Variants in ERBB4 observed in about 807,000 individuals in gnomAD.
ERBB4 encodes the protein erb-b2 receptor tyrosine kinase 4, also known as receptor tyrosine-protein kinase erbB-4.
ERBB4 carries 42 observed loss-of-function variants against 158.0 expected under a neutral mutation model. The observed-to-expected ratio is 0.27, with a 90% confidence interval of 0.21 to 0.34. ERBB4 has a LOEUF of 0.34. Among genes scored for constraint, ERBB4 ranks in the 10% least tolerant of loss-of-function variants. ERBB4 has a pLI of 1.00. For synonymous variants in ERBB4, 583 were observed against 558.7 expected, an observed-to-expected ratio of 1.04 and a Z score of -0.61; for missense variants, 1,333 against 1,624.1, an observed-to-expected ratio of 0.82 and a Z score of 3.08.
chr2:212,416,966 A>G (rs144377024), intron 1 of ERBB4, among the ~76,000 whole-genome samples: 19 of 152,232 alleles, frequency 1.2e-4, no homozygotes, highest in Middle Eastern at 3.4e-3. Context: ...ATAAGATAGT[A>G]TCATAAATTA....
intron 2 of ERBB4, among the ~76,000 whole-genome samples, chr2:211,954,049 T>C (rs1047910384): frequency 6.6e-6 from 1 of 152,030 alleles, no homozygotes; most frequent in African/African-American, 2.4e-5. Flanking sequence ...GAAAAATCAG[T>C]CTTCACTATT....
At chr2:211,658,022 A>G in intron 15 of ERBB4, 194 bp from the exon 16 acceptor site, 1 of 1,558,406 alleles carries the variant, frequency 6.4e-7, no homozygotes, top group Non-Finnish European at 8.7e-7. Context: ...TTAAAAAAAT[A>G]CAAGGGGAAA....
chr2:212,058,910 T>C (rs1374487499), intron 2 of ERBB4, among the ~76,000 whole-genome samples: 1 of 152,174 alleles, frequency 6.6e-6, no homozygotes, highest in Non-Finnish European at 1.5e-5. Context: ...TCATCACTCT[T>C]ATTCAACGTA....
In ERBB4 at chr2:211,392,956, G is replaced by A. The variant is rs553999109; in HGVS notation, c.3136-4964C>T. Among the ~76,000 whole-genome samples, 73 of 152,102 alleles carry A rather than the reference G, an allele frequency of 4.8e-4. No homozygotes were observed. The South Asian group carries it at 0.015, about 31-fold the overall frequency. ...AGACGTGAGCCACCGCGCCCGGCTGGCTCTCATTCTTTATCCACTCATTAA... is the reference window on the plus strand; with the variant it reads ...AGACGTGAGCCACCGCGCCCGGCTGACTCTCATTCTTTATCCACTCATTAA... On this transcript the variant is annotated intron_variant, in intron 25 of 27. Transcript: ENST00000342788.
In ERBB4 at chr2:211,504,107, T is replaced by C. The variant is rs749737202; in HGVS notation, c.2487+57796A>G. Reference sequence around the variant, plus strand: ...TTCTGCTAACATCATTGTACAGTGCTCAGCTGGTTCTTACCTGCAAGTGCC... The same window carrying C: ...TTCTGCTAACATCATTGTACAGTGCCCAGCTGGTTCTTACCTGCAAGTGCC... On this transcript the variant is annotated intron_variant, in intron 20 of 27. Transcript: ENST00000342788. 9.9e-5 allele frequency among the ~76,000 whole-genome samples: 15 copies of C among 152,112 alleles called. 1 individual carries two copies. The highest frequency in any genetic ancestry group is 8.5e-4 in the Admixed American group (13 of 15,278).
chr2:211,396,534 A>G (rs1463668191), intron 25 of ERBB4, among the ~76,000 whole-genome samples: 1 of 152,186 alleles, frequency 6.6e-6, no homozygotes, highest in African/African-American at 2.4e-5. Context: ...TATATATTCA[A>G]CATTTCAATA....
At chr2:211,636,531 GT>G (rs2070368501) in intron 16 of ERBB4, among the ~76,000 whole-genome samples, 1 of 151,946 alleles carries the variant, frequency 6.6e-6, no homozygotes, top group Non-Finnish European at 1.5e-5. Context: ...ACACCTTGAA[GT>G]TTAGGAATTA....
At chr2:212,393,780 A>G (rs2090947225) in intron 1 of ERBB4, among the ~76,000 whole-genome samples, 1 of 152,096 alleles carries the variant, frequency 6.6e-6, no homozygotes, top group South Asian at 2.1e-4. Context: ...TCATATATTA[A>G]AAATAGTTCT....
chr2:212,082,358 T>C (rs143285951), intron 2 of ERBB4, among the ~76,000 whole-genome samples: 9 of 152,184 alleles, frequency 5.9e-5, no homozygotes, highest in Non-Finnish European at 1.0e-4. Flanking sequence ...TTTTATTTGC[T>C]TGTTAAACAT....
intron 2 of ERBB4, among the ~76,000 whole-genome samples, chr2:212,092,682 A>G (rs1204571046): frequency 6.6e-6 from 1 of 152,212 alleles, no homozygotes; most frequent in East Asian, 1.9e-4. Flanking sequence ...AATACGTTGT[A>G]TATGTTGAAT....
chr2:211,822,694 G>A (rs2077020271), intron 3 of ERBB4, among the ~76,000 whole-genome samples: 1 of 151,542 alleles, frequency 6.6e-6, no homozygotes, highest in African/African-American at 2.4e-5. Flanking sequence ...ATAAAATATG[G>A]CATAATTATT....
At chr2:212,507,794 T>C (rs1691277345) in intron 1 of ERBB4, among the ~76,000 whole-genome samples, 1 of 152,186 alleles carries the variant, frequency 6.6e-6, no homozygotes, top group South Asian at 2.1e-4. Context: ...TAAACATGGT[T>C]GAAATGACAA....
At chr2:211,537,061 A>G (rs1406888762) in intron 20 of ERBB4, among the ~76,000 whole-genome samples, 1 of 76,642 alleles carries the variant, frequency 1.3e-5, no homozygotes, top group African/African-American at 3.7e-5. Flanking sequence ...TATTCAAACA[A>G]AGTAAGAGTA....
intron 1 of ERBB4, among the ~76,000 whole-genome samples, chr2:212,190,074 C>T (rs2082139523): frequency 6.6e-6 from 1 of 152,078 alleles, no homozygotes; most frequent in Non-Finnish European, 1.5e-5. Flanking sequence ...AGTGAAAGTT[C>T]TATGTTACTT....
intron 25 of ERBB4, among the ~76,000 whole-genome samples, chr2:211,390,505 A>G (rs2062778226): frequency 6.6e-6 from 1 of 152,218 alleles, no homozygotes. Context: ...TATTGATTGC[A>G]CATTTTGCAT....
rs186047869 is a variant in ERBB4, at chr2:211,414,466, A to G, written c.3135+5975T>C. Among the ~76,000 whole-genome samples, 93 of 147,110 alleles carry G rather than the reference A, an allele frequency of 6.3e-4. No homozygotes were observed. In the East Asian group the frequency reaches 0.018, roughly 29 times the overall value. ...AGCTGAGATTGCGTCACTGCACTCC[A>G]GCCTGGGTGACAGAGCCAAGACACA... On this transcript the variant is annotated intron_variant, in intron 25 of 27. Coordinates refer to ENST00000342788, the MANE Select transcript of ERBB4 (RefSeq NM_005235.3).
At chr2:211,624,155 C>A (rs2069747060) in intron 17 of ERBB4, 111 bp from the exon 18 acceptor site, 1 of 1,396,600 alleles carries the variant, frequency 7.2e-7, no homozygotes, top group Non-Finnish European at 1.0e-6. Flanking sequence ...GAAAAACACA[C>A]CAACTTGGTT....
intron 7 of ERBB4, 92 bp from the exon 8 acceptor site, chr2:211,713,740 TTAGC>T: frequency 1.3e-6 from 1 of 753,392 alleles, no homozygotes; most frequent in Non-Finnish European, 2.3e-6. Flanking sequence ...TTAAAAATGA[TTAGC>T]ATCATTGATA....
chr2:211,496,676 T>C (rs1278165887), intron 20 of ERBB4, among the ~76,000 whole-genome samples: 1 of 152,084 alleles, frequency 6.6e-6, no homozygotes. Context: ...TCCTCCCCTA[T>C]AGCCTAATCT....
Sources: gnomAD v4.1 joint callset for allele counts (sites outside exome capture counted in the v4.1 genomes callset) on GRCh38, gnomAD v4.1.1 for gene constraint, MANE v1.5 for transcripts, NCBI Gene and HGNC (gene_info 2026-07-23, HGNC 2026-07-21) for gene names.